The following NEO1 variants were observed in gnomAD, a reference collection of about 807,000 sequenced individuals.
NEO1 encodes neogenin 1, also known as neogenin.
NEO1 carries 63 observed loss-of-function variants against 159.7 expected under a neutral mutation model. The ratio of observed to expected loss-of-function variants is 0.39; its 90% confidence interval spans 0.32 to 0.49. NEO1 has a LOEUF of 0.49. NEO1 is among the 20% of genes least tolerant of loss of function. NEO1 has a pLI of 0.85. For missense variants in NEO1, 1,615 were observed against 1,831.0 expected, an observed-to-expected ratio of 0.88 and a Z score of 2.15; for synonymous variants, 633 against 662.0, an observed-to-expected ratio of 0.96 and a Z score of 0.67.
At position 73,253,449 on chromosome 15, in the gene NEO1, G is replaced by A. The variant is rs2040186762; in HGVS notation, c.1944G>A (p.Lys648=). 1 of 1,596,338 alleles carries A rather than the reference G, an allele frequency of 6.3e-7. No homozygotes were observed. Among genetic ancestry groups the A allele is most frequent in the Non-Finnish European group, 8.5e-7 (1 of 1,171,068 alleles). Residue 648 remains lysine, a splice_region_variant and synonymous_variant, in exon 12 of 29, where the codon AAG becomes AAA. Transcript: ENST00000261908. ...TGTCCTTGGAAGTGAGAAATTCAAA[G>A]GTAAAACTGTATGATGCTGCTGTTC... The part of the protein sequence containing the change: ...QNLSLEVRNS[K]SIMIHWQPPA...
At chr15:73,086,311 A>G (rs1595939969) in intron 1 of NEO1, among the ~76,000 whole-genome samples, 3 of 152,174 alleles carry the variant, frequency 2.0e-5, no homozygotes, top group Admixed American at 2.0e-4. Context: ...CCTATCCCAC[A>G]TTGTCTTGAT....
intron 12 of NEO1, 40 bp downstream of exon 12, chr15:73,253,489 A>G (rs781751103): frequency 2.0e-6 from 3 of 1,464,698 alleles, no homozygotes; most frequent in Non-Finnish European, 2.8e-6. Context: ...TTACTGGTAT[A>G]CTGTTGCGCC....
intron 4 of NEO1, among the ~76,000 whole-genome samples, chr15:73,127,722 ATAT>A (rs2030486484): frequency 1.3e-5 from 2 of 152,244 alleles, no homozygotes; most frequent in Non-Finnish European, 2.9e-5. Context: ...TATAATAGTA[ATAT>A]TTTATGTGAT....
chr15:73,098,190 T>C (rs1365679428), intron 1 of NEO1, among the ~76,000 whole-genome samples: 1 of 152,154 alleles, frequency 6.6e-6, no homozygotes, highest in East Asian at 1.9e-4. Context: ...GTCCTTAGAG[T>C]ATATCCTACT....
intron 7 of NEO1, among the ~76,000 whole-genome samples, chr15:73,232,768 C>T (rs932470601): frequency 1.3e-5 from 2 of 152,188 alleles, no homozygotes; most frequent in Non-Finnish European, 1.5e-5. Flanking sequence ...CTGGCCCTTC[C>T]TATTCACTTG....
At chr15:73,270,493 ACTTCC>A (rs748363070) in intron 18 of NEO1, 39 bp downstream of exon 18, 1 of 1,566,888 alleles carries the variant, frequency 6.4e-7, no homozygotes, top group South Asian at 1.2e-5. Flanking sequence ...GGCTGCTTTT[ACTTCC>A]CAAGGAAAGA....
rs576826544 is a variant in NEO1, at chr15:73,125,332, A to G, written c.725-1085A>G. Among the ~76,000 whole-genome samples, 65 of 152,350 alleles carry G rather than the reference A, an allele frequency of 4.3e-4. 1 individual carries two copies. The highest frequency in any genetic ancestry group is 6.8e-3 in the Middle Eastern group (2 of 294). On this transcript the variant is annotated intron_variant, in intron 3 of 28. Transcript: ENST00000261908. ...TGTGGTTGATTACGGAGGTGGGAGC[A>G]AGTTAATGTCAGCCTTAAAAGTCAG...
chr15:73,246,886 A>T (rs1567592104), intron 9 of NEO1, among the ~76,000 whole-genome samples: 1 of 152,206 alleles, frequency 6.6e-6, no homozygotes, highest in Non-Finnish European at 1.5e-5. Context: ...AGGGGTGAAG[A>T]AGAGTGGATT....
At chr15:73,135,487 C>A (rs1294683137) in intron 4 of NEO1, among the ~76,000 whole-genome samples, 3 of 152,128 alleles carry the variant, frequency 2.0e-5, no homozygotes, top group African/African-American at 7.2e-5. Flanking sequence ...TGTTATTAAT[C>A]TCAGTGTGGC....
At chr15:73,174,048 C>T (rs1023907081) in intron 5 of NEO1, among the ~76,000 whole-genome samples, 4 of 148,732 alleles carry the variant, frequency 2.7e-5, no homozygotes, top group Non-Finnish European at 4.4e-5. Context: ...TGCAGTGAGC[C>T]GAGATCACGC....
At chr15:73,273,610 C>A (rs1182844046) in intron 19 of NEO1, among the ~76,000 whole-genome samples, 1 of 152,124 alleles carries the variant, frequency 6.6e-6, no homozygotes, top group African/African-American at 2.4e-5. Flanking sequence ...CCTAGGAGAT[C>A]ACATCGGTAA....
chr15:73,298,444 C>A lies in NEO1; in HGVS notation c.3998C>A (p.Ser1333Tyr). The A allele has an allele frequency of 6.2e-7, 1 of 1,614,204 alleles. No homozygotes were observed. The part of the protein sequence containing the change: ...DHQDPEGATS[S>Y]SYLASSQEED... The stretch of plus-strand genomic sequence containing the variant: ...CAGGACCCTGAAGGTGCTACCAGCT[C>A]CTCTTACTTGGCCAGCTCCCAAGAG... Residue 1333 changes from serine (S) to tyrosine (Y), a missense_variant, in exon 27 of 29, where the codon TCC becomes TAC. By Grantham distance (144) the Ser-to-Tyr change is moderately radical (BLOSUM62 -2). Around this residue, in one of 3 missense-constraint regions of NEO1, gnomAD observed 471 missense variants for 498.9 expected, o/e 0.94. Transcript: ENST00000261908.
intron 7 of NEO1, among the ~76,000 whole-genome samples, chr15:73,198,113 G>A (rs1045764268): frequency 3.3e-5 from 5 of 151,968 alleles, no homozygotes; most frequent in Admixed American, 6.6e-5. Flanking sequence ...CTGCCATCTT[G>A]ATTTTTTCTT....
At chr15:73,197,077 G>C (rs1000220373) in intron 7 of NEO1, among the ~76,000 whole-genome samples, 3 of 152,056 alleles carry the variant, frequency 2.0e-5, no homozygotes, top group Non-Finnish European at 4.4e-5. Flanking sequence ...GTTTCTAAGA[G>C]GCCAGGCAAC....
rs546987801 is a variant in NEO1, at chr15:73,128,461, G to A, written c.878+1891G>A. Among the ~76,000 whole-genome samples, 10 of 152,212 alleles carry A rather than the reference G, an allele frequency of 6.6e-5. No individual in the cohort carries two copies. In the East Asian group the frequency reaches 1.9e-3, roughly 29 times the overall value. ...ATGATTTTTTATGTCAGAAATAAAT[G>A]TGAGGCTTTCTATGATTCTCATTTG... On this transcript the variant is annotated intron_variant, in intron 4 of 28. Transcript: ENST00000261908.
chr15:73,080,889 G>T (rs2069011744), intron 1 of NEO1, among the ~76,000 whole-genome samples: 1 of 152,126 alleles, frequency 6.6e-6, no homozygotes, highest in African/African-American at 2.4e-5. Flanking sequence ...TTTCAAGGAT[G>T]CATTTGCAAA....
intron 5 of NEO1, among the ~76,000 whole-genome samples, chr15:73,158,298 A>G (rs1168854716): frequency 1.4e-5 from 2 of 139,574 alleles, no homozygotes; most frequent in African/African-American, 5.4e-5. Context: ...TTCTCCTGGG[A>G]TATTAAATGG....
intron 9 of NEO1, among the ~76,000 whole-genome samples, chr15:73,244,961 A>AT (rs2039689551): frequency 7.2e-6 from 1 of 139,714 alleles, no homozygotes; most frequent in South Asian, 2.4e-4. Flanking sequence ...TCTCAAAAAA[A>AT]AAAAAAAAAA....
At chr15:73,126,395 T>G in intron 3 of NEO1, 22 bp from the exon 4 acceptor site, 2 of 1,567,426 alleles carry the variant, frequency 1.3e-6, no homozygotes, top group Non-Finnish European at 1.7e-6. Flanking sequence ...TTATTGTCTT[T>G]GTTAATTTTT....
Sources: gnomAD v4.1 joint callset for allele counts (sites outside exome capture counted in the v4.1 genomes callset) on GRCh38, gnomAD v4.1.1 for gene constraint, gnomAD v4.1.1 regional missense constraint, MANE v1.5 for transcripts, NCBI Gene and HGNC (gene_info 2026-07-23, HGNC 2026-07-21) for gene names.